Variants in TMEM178B observed in about 807,000 individuals in gnomAD.
TMEM178B encodes the protein transmembrane protein 178B.
Under a neutral mutation model 31.0 loss-of-function variants are expected in TMEM178B, and 5 were observed. That is an observed-to-expected ratio of 0.16 (90% confidence interval 0.08 to 0.34). TMEM178B has a LOEUF of 0.34. TMEM178B is among the 10% of genes least tolerant of loss of function. The pLI is 1.00. For synonymous variants in TMEM178B, 164 were observed against 164.0 expected, an observed-to-expected ratio of 1.00 and a Z score of 0.00; for missense variants, 275 against 400.3, an observed-to-expected ratio of 0.69 and a Z score of 2.67.
intron 2 of TMEM178B, among the ~76,000 whole-genome samples, chr7:141,385,207 G>A (rs956650487): frequency 6.6e-6 from 1 of 152,122 alleles, no homozygotes; most frequent in Non-Finnish European, 1.5e-5. Context: ...TGTTCCTGAT[G>A]TTTCATGGTC....
intron 1 of TMEM178B, among the ~76,000 whole-genome samples, chr7:141,169,613 A>G (rs536367304): frequency 6.6e-6 from 1 of 152,222 alleles, no homozygotes; most frequent in African/African-American, 2.4e-5. Context: ...AATCATCCAC[A>G]TGCTTGCTTG....
intron 1 of TMEM178B, among the ~76,000 whole-genome samples, chr7:141,158,008 G>T (rs1390324640): frequency 6.6e-6 from 1 of 152,098 alleles, no homozygotes; most frequent in Non-Finnish European, 1.5e-5. Context: ...GCCAGCACGA[G>T]TCCCACTCTC....
At chr7:141,169,900 T>C (rs1375231406) in intron 1 of TMEM178B, among the ~76,000 whole-genome samples, 1 of 152,252 alleles carries the variant, frequency 6.6e-6, no homozygotes, top group African/African-American at 2.4e-5. Flanking sequence ...TTTTCAATAG[T>C]GTATGTTCCC....
At chr7:141,277,880 T>G (rs1798291760) in intron 2 of TMEM178B, among the ~76,000 whole-genome samples, 1 of 152,214 alleles carries the variant, frequency 6.6e-6, no homozygotes, top group Non-Finnish European at 1.5e-5. Flanking sequence ...AATGTTACCA[T>G]GCTGAACATT....
At chr7:141,204,205 G>A (rs1184384771) in intron 1 of TMEM178B, among the ~76,000 whole-genome samples, 1 of 152,200 alleles carries the variant, frequency 6.6e-6, no homozygotes. Context: ...GGAAAGAGGG[G>A]AAGCCAGTCA....
intron 2 of TMEM178B, among the ~76,000 whole-genome samples, chr7:141,279,886 C>T (rs1432049780): frequency 6.6e-6 from 1 of 152,208 alleles, no homozygotes; most frequent in Admixed American, 6.5e-5. Context: ...CCTAGAAGTC[C>T]AAACTCTCAA....
intron 2 of TMEM178B, among the ~76,000 whole-genome samples, chr7:141,281,032 G>T (rs1449980217): frequency 6.6e-6 from 1 of 151,994 alleles, no homozygotes; most frequent in Non-Finnish European, 1.5e-5. Context: ...GAGCCCCCTT[G>T]TTCTCTTTGC....
chr7:141,464,244 ACTC>A (rs1250161999), intron 3 of TMEM178B, among the ~76,000 whole-genome samples: 1 of 151,844 alleles, frequency 6.6e-6, no homozygotes, highest in East Asian at 1.9e-4. Flanking sequence ...TCAAGACTCT[ACTC>A]CTGTGGGAAA....
At chr7:141,369,622 C>G (rs182531877) in intron 2 of TMEM178B, among the ~76,000 whole-genome samples, 3 of 152,266 alleles carry the variant, frequency 2.0e-5, no homozygotes, top group Admixed American at 1.3e-4. Context: ...ACCCCGCGTT[C>G]CTAATGGAGC....
chr7:141,404,871 T>A (rs572156914), intron 2 of TMEM178B, among the ~76,000 whole-genome samples: 17 of 152,322 alleles, frequency 1.1e-4, no homozygotes, highest in African/African-American at 4.1e-4. Flanking sequence ...GGTATCCTGA[T>A]GTCTTGTCCA....
At chr7:141,080,249 C>A (rs1370949087) in intron 1 of TMEM178B, among the ~76,000 whole-genome samples, 1 of 152,152 alleles carries the variant, frequency 6.6e-6, no homozygotes, top group Non-Finnish European at 1.5e-5. Flanking sequence ...TTATTGAGGG[C>A]CTTTGGGCTG....
intron 1 of TMEM178B, among the ~76,000 whole-genome samples, chr7:141,187,706 T>A (rs1162375741): frequency 6.6e-6 from 1 of 152,268 alleles, no homozygotes; most frequent in Non-Finnish European, 1.5e-5. Flanking sequence ...TGATGAGCAT[T>A]TTTTCATGTG....
At chr7:141,185,777 A>T (rs891486491) in intron 1 of TMEM178B, among the ~76,000 whole-genome samples, 1 of 151,998 alleles carries the variant, frequency 6.6e-6, no homozygotes, top group Non-Finnish European at 1.5e-5. Flanking sequence ...GTGGAGCCCT[A>T]ACCAGGGACC....
chr7:141,453,920 T>TAAA lies in TMEM178B; in HGVS notation c.634+16184_634+16186dup, dbSNP rs10701376. On this transcript the variant is annotated intron_variant, in intron 3 of 3. Coordinates refer to ENST00000565468, the MANE Select transcript of TMEM178B (RefSeq NM_001195278.2). Reference sequence around the variant, plus strand: ...AATGAAGCAAAAAATCCCTTTTATCTAAAAAAAAAAAGCTTAAGCAGCTTT... The same window carrying TAAA: ...AATGAAGCAAAAAATCCCTTTTATCTAAAAAAAAAAAAAAGCTTAAGCAGCTTT... 1.9e-3 allele frequency among the ~76,000 whole-genome samples: 278 copies of TAAA among 147,680 alleles called. 2 individuals are homozygous for TAAA. The highest frequency in any genetic ancestry group is 6.9e-3 in the Middle Eastern group (2 of 288).
intron 2 of TMEM178B, among the ~76,000 whole-genome samples, chr7:141,319,077 A>T (rs1244390473): frequency 6.6e-6 from 1 of 152,240 alleles, no homozygotes; most frequent in East Asian, 1.9e-4. Flanking sequence ...GAAGGCTTAG[A>T]AGTAGCATAA....
chr7:141,397,990 A>G (rs1039178299), intron 2 of TMEM178B, among the ~76,000 whole-genome samples: 4 of 152,148 alleles, frequency 2.6e-5, no homozygotes, highest in African/African-American at 4.8e-5. Flanking sequence ...CAACTCAGCT[A>G]TACCAGGCTC....
At chr7:141,332,846 C>T (rs1799320382) in intron 2 of TMEM178B, among the ~76,000 whole-genome samples, 1 of 152,250 alleles carries the variant, frequency 6.6e-6, no homozygotes, top group Non-Finnish European at 1.5e-5. Flanking sequence ...ACTCACCAGC[C>T]TGTGCTTCAT....
chr7:141,482,735 G>A (rs1298375528), downstream of TMEM178B, among the ~76,000 whole-genome samples: 2 of 152,166 alleles, frequency 1.3e-5, no homozygotes, highest in Non-Finnish European at 2.9e-5. Flanking sequence ...AAAGGTAAAG[G>A]ACACATAGGG....
chr7:141,504,110 G>C, the TMEM178B span, among the ~76,000 whole-genome samples: 2 of 152,314 alleles, frequency 1.3e-5, no homozygotes, highest in East Asian at 3.9e-4. Context: ...CCTCCCTCCT[G>C]ATTTTTACTA....
Sources: gnomAD v4.1 joint callset for allele counts (sites outside exome capture counted in the v4.1 genomes callset) on GRCh38, gnomAD v4.1.1 for gene constraint, MANE v1.5 for transcripts, NCBI Gene and HGNC (gene_info 2026-07-23, HGNC 2026-07-21) for gene names.